The following ZNF670 variants were observed in gnomAD, a reference collection of about 807,000 sequenced individuals.
ZNF670 encodes zinc finger protein 670.
In ZNF670, 7 loss-of-function variants were observed where a neutral mutation model predicts 10.9. The observed-to-expected ratio is 0.64, with a 90% CI of 0.36 to 1.20. The LOEUF is 1.20. ZNF670 is among the 50% of genes most tolerant of loss of function. The pLI is 0.02. For missense variants in ZNF670, 446 were observed against 458.6 expected (o/e 0.97, Z 0.25); for synonymous variants, 136 against 152.7 (o/e 0.89, Z 0.81).
chr1:247,046,020 A>G (rs55837587), intron 1 of ZNF670, among the ~76,000 whole-genome samples: 21,953 of 152,220 alleles, frequency 0.14, 1,704 homozygotes, highest in Middle Eastern at 0.24. Flanking sequence ...ATAACTTAAG[A>G]GTCTCCAGAG....
At chr1:247,050,249 A>G (rs1010159589) in intron 1 of ZNF670, among the ~76,000 whole-genome samples, 2 of 152,072 alleles carry the variant, frequency 1.3e-5, no homozygotes, top group African/African-American at 4.8e-5. Flanking sequence ...TTCCTGTTGG[A>G]CTAGTCTTTT....
Position 247,037,605 on chromosome 1 carries a change from T to A in ZNF670, c.1014A>T (p.Gly338=), listed in dbSNP as rs1367394144. 1 of 1,614,142 alleles carries A rather than the reference T, an allele frequency of 6.2e-7. No individual in the cohort carries two copies. Among genetic ancestry groups the A allele is most frequent in the South Asian group, 1.1e-5 (1 of 91,076 alleles). The change falls in exon 4 of 4, where the codon GGA becomes GGT. Residue 338 remains glycine (G), a synonymous_variant. Coordinates refer to ENST00000366503, the MANE Select transcript of ZNF670 (RefSeq NM_033213.5). ...TAAACGACTTACCACATTCCTTACA[T>A]CCATAAGGTTTCACTCCAGTGTGAG... ...ERTHTGVKPY[G]CKECGKSFTS...
chr1:247,067,790 C>A (rs1671021720), intron 1 of ZNF670, among the ~76,000 whole-genome samples: 1 of 122,500 alleles, frequency 8.2e-6, no homozygotes, highest in East Asian at 2.8e-4. Context: ...TGCAGTGAGC[C>A]GAGATCCCGC....
Position 247,037,511 on chromosome 1 carries a change from A to G in ZNF670, c.1108T>C (p.Cys370Arg), listed in dbSNP as rs755773046. Reference protein sequence around the residue: ...TGEKPYECKKCGKAFSCSSSL... With the variant: ...TGEKPYECKKRGKAFSCSSSL... ...CTGGAACAACTGAAGGCTTTACCAC[A>G]TTTCTTACATTCATAGGGTTTTTCT... Residue 370 changes from cysteine (C) to arginine (R), a missense_variant, in exon 4 of 4, where the codon TGT (cysteine) becomes CGT (arginine). Physicochemically the swap from Cys to Arg is radical, Grantham distance 180. Coordinates refer to ENST00000366503, the MANE Select transcript of ZNF670 (RefSeq NM_033213.5). The G allele has an allele frequency of 1.9e-6, 3 of 1,614,070 alleles. No individual in the cohort carries two copies. Among genetic ancestry groups the G allele is most frequent in the Non-Finnish European group, 2.5e-6 (3 of 1,179,964 alleles).
At chr1:247,044,315 G>A (rs1670388714) in intron 1 of ZNF670, among the ~76,000 whole-genome samples, 1 of 152,130 alleles carries the variant, frequency 6.6e-6, no homozygotes, top group Non-Finnish European at 1.5e-5. Context: ...ACAGATGGTG[G>A]CAAAGTAGCG....
intron 1 of ZNF670, among the ~76,000 whole-genome samples, chr1:247,074,845 C>T (rs952636): frequency 0.25 from 37,453 of 152,078 alleles, 5,357 homozygotes; most frequent in African/African-American, 0.38. Flanking sequence ...AACAGGCCAC[C>T]GACAGGTACT....
At chr1:247,075,666 G>A (rs937649246) in intron 1 of ZNF670, among the ~76,000 whole-genome samples, 1 of 152,168 alleles carries the variant, frequency 6.6e-6, no homozygotes, top group Admixed American at 6.5e-5. Context: ...GCAGCCATCC[G>A]CGTAAGACGT....
At chr1:247,070,846 A>G (rs1671097423) in intron 1 of ZNF670, among the ~76,000 whole-genome samples, 1 of 152,254 alleles carries the variant, frequency 6.6e-6, no homozygotes, top group Non-Finnish European at 1.5e-5. Flanking sequence ...ACACTTCTCC[A>G]AAGAAGACAT....
Position 247,061,574 on chromosome 1 carries a change from A to G in ZNF670, c.3+17020T>C, listed in dbSNP as rs1462505344. On this transcript the variant is annotated intron_variant, in intron 1 of 3. Coordinates refer to ENST00000366503, the MANE Select transcript of ZNF670 (RefSeq NM_033213.5). Reference sequence around the variant, plus strand: ...ATATTTATACATTATACATCAAAGTATAATAAAAGAAATGGCAAGATGGCA... The same window carrying G: ...ATATTTATACATTATACATCAAAGTGTAATAAAAGAAATGGCAAGATGGCA... Among the ~76,000 whole-genome samples, 3 of 152,312 alleles carry G rather than the reference A, an allele frequency of 2.0e-5. No homozygotes were observed. The East Asian group carries it at 5.8e-4, about 29-fold the overall frequency.
intron 1 of ZNF670, among the ~76,000 whole-genome samples, chr1:247,059,156 C>A (rs972446152): frequency 6.6e-6 from 1 of 151,968 alleles, no homozygotes; most frequent in Non-Finnish European, 1.5e-5. Context: ...AAATACACAC[C>A]CCAGGCTGGG....
chr1:247,068,584 T>A (rs138198385), intron 1 of ZNF670, among the ~76,000 whole-genome samples: 1 of 150,640 alleles, frequency 6.6e-6, no homozygotes, highest in East Asian at 1.9e-4. Flanking sequence ...GTGCAACCAC[T>A]ATGGAGAAAA....
At chr1:247,050,265 T>C (rs749727265) in intron 1 of ZNF670, among the ~76,000 whole-genome samples, 14 of 152,224 alleles carry the variant, frequency 9.2e-5, no homozygotes, top group Non-Finnish European at 1.8e-4. Context: ...CTTTTTATCA[T>C]TACATAATGC....
intron 1 of ZNF670, among the ~76,000 whole-genome samples, chr1:247,071,302 CA>C (rs1280084954): frequency 1.3e-5 from 2 of 152,152 alleles, no homozygotes; most frequent in East Asian, 3.8e-4. Context: ...TAGAAAAAAG[CA>C]AAATCACGCC....
chr1:247,043,852 TC>T (rs1670376664), intron 1 of ZNF670: 5 of 340,392 alleles, frequency 1.5e-5, no homozygotes, highest in African/African-American at 4.3e-5. Context: ...GGATGCCATT[TC>T]CACTAATGAA....
At chr1:247,075,311 C>G (rs1003901673) in intron 1 of ZNF670, among the ~76,000 whole-genome samples, 2 of 152,130 alleles carry the variant, frequency 1.3e-5, no homozygotes, top group African/African-American at 2.4e-5. Flanking sequence ...CTCCACCCTG[C>G]AAAAAGGAGG....
intron 1 of ZNF670, among the ~76,000 whole-genome samples, chr1:247,041,950 G>T (rs934995842): frequency 1.3e-5 from 2 of 152,102 alleles, no homozygotes; most frequent in Admixed American, 6.5e-5. Flanking sequence ...AATCACAACA[G>T]TGGTCAACTA....
intron 1 of ZNF670, among the ~76,000 whole-genome samples, chr1:247,058,477 A>C (rs888656898): frequency 3.3e-5 from 5 of 152,208 alleles, no homozygotes; most frequent in African/African-American, 1.2e-4. Flanking sequence ...GAAAAAAGCC[A>C]GGAAGATAAA....
At position 247,040,544 on chromosome 1, in the gene ZNF670, C is replaced by T. The variant is rs1670279069; in HGVS notation, c.4-1007G>A. Among the ~76,000 whole-genome samples, 5 of 152,232 alleles carry T rather than the reference C, an allele frequency of 3.3e-5. No individual in the cohort carries two copies. The South Asian group carries it at 1.0e-3, about 32-fold the overall frequency. The stretch of plus-strand genomic sequence containing the variant: ...AAAAATGTCTAAGAATTGTCAAAGT[C>T]TTCCAAACAATAGGGCAATGGCTTC... On this transcript the variant is annotated intron_variant, in intron 1 of 3. Transcript: ENST00000366503.
chr1:247,070,454 G>T (rs556539490), intron 1 of ZNF670, among the ~76,000 whole-genome samples: 2 of 152,132 alleles, frequency 1.3e-5, no homozygotes, highest in African/African-American at 4.8e-5. Flanking sequence ...CTGGGCGACA[G>T]AGTGAGACTC....
Sources: gnomAD v4.1 joint callset for allele counts (sites outside exome capture counted in the v4.1 genomes callset) on GRCh38, gnomAD v4.1.1 for gene constraint, MANE v1.5 for transcripts, NCBI Gene and HGNC (gene_info 2026-07-23, HGNC 2026-07-21) for gene names.